Variants in CSRP1 observed in about 807,000 individuals in gnomAD.
The protein encoded by CSRP1 is cysteine and glycine rich protein 1, also known as cysteine and glycine-rich protein 1.
CSRP1 carries 16 observed loss-of-function variants against 25.4 expected under a neutral mutation model. That is an observed-to-expected ratio of 0.63 (90% CI 0.43 to 0.96). CSRP1 has a LOEUF of 0.96. CSRP1 is among the 40% of genes least tolerant of loss of function. The probability of loss-of-function intolerance (pLI) is 0.00; values close to 1 mark genes in which losing one functional copy is unlikely to be tolerated. For missense variants in CSRP1, 212 were observed against 243.6 expected (o/e 0.87, Z 0.86); for synonymous variants, 97 against 95.3 (o/e 1.02, Z -0.10).
rs563724758 is a variant in CSRP1 at position 201,486,604 on chromosome 1, C to A, written c.412-1228G>T. 11 of 996,894 alleles carry A rather than the reference C, an allele frequency of 1.1e-5. No homozygotes were observed. The East Asian group carries it at 9.9e-4, about 90-fold the overall frequency. The allele number at this position is 996,894 out of a possible 1,614,324, so 61.8% of individuals were successfully genotyped here. A position where few individuals can be genotyped will look rare whatever the true frequency, so the allele number is the denominator to read the frequency against. On this transcript the variant is annotated intron_variant, in intron 4 of 5. Transcript: ENST00000340006. ...CTCCTCTGTAAAGCAGGGGCTGCTA[C>A]CCCAAGCTCTCTAGGCTGGAGAAAA...
chr1:201,496,450 CT>C (rs1171041858), intron 1 of CSRP1, 146 bp from the exon 2 acceptor site: 121 of 681,054 alleles, frequency 1.8e-4, no homozygotes, highest in East Asian at 5.4e-4. Flanking sequence ...TGGCAGAGCA[CT>C]TTCTGCTAGC....
At chr1:201,497,806 T>C (rs562445312) in intron 1 of CSRP1, among the ~76,000 whole-genome samples, 53 of 152,170 alleles carry the variant, frequency 3.5e-4, no homozygotes, top group African/African-American at 1.3e-3. Flanking sequence ...GGTCGGGAGT[T>C]TGAGACCAGC....
rs1315524305 is a variant in CSRP1, at chr1:201,484,097, A to G, written c.*616T>C. ...TTATTCTCCTCCCAGTCCTAGTGGG[A>G]GGCTATCCATTCCACAAAGACTCAA... On this transcript the variant is annotated 3_prime_UTR_variant, in exon 6 of 6. Transcript: ENST00000340006. 3.0e-6 allele frequency: 2 copies of G among 675,844 alleles called. No individual in the cohort carries two copies. The highest frequency in any genetic ancestry group is 5.5e-6 in the Non-Finnish European group (2 of 363,716). The allele number at this position is 675,844 out of a possible 1,614,324, so 41.9% of individuals were successfully genotyped here. A position where few individuals can be genotyped will look rare whatever the true frequency, so the allele number is the denominator to read the frequency against.
At position 201,484,034 on chromosome 1, in the gene CSRP1, C is replaced by A; in HGVS notation, c.*679G>T. 2 of 697,330 alleles carry A rather than the reference C, an allele frequency of 2.9e-6. No individual in the cohort carries two copies. Among genetic ancestry groups the A allele is most frequent in the Non-Finnish European group, 5.3e-6 (2 of 380,798 alleles). 43.2% of individuals were successfully genotyped at this position (697,330 alleles called of 1,614,324 possible). A position where few individuals can be genotyped will look rare whatever the true frequency, so the allele number is the denominator to read the frequency against. On this transcript the variant is annotated 3_prime_UTR_variant, in exon 6 of 6. Transcript: ENST00000340006. ...CAGGGAACTAGATGTTTGAGAAGAT[C>A]AAACAACATCCTGACTTTGGGGTCC...
At chr1:201,494,797 C>T (rs682137) in intron 2 of CSRP1, among the ~76,000 whole-genome samples, 69,209 of 151,974 alleles carry the variant, frequency 0.46, 17,014 homozygotes, top group East Asian at 0.91. Flanking sequence ...TTGTATCACA[C>T]CATCTTGCTA....
chr1:201,488,156 C>G (rs542556222), intron 4 of CSRP1: 2 of 152,204 alleles, frequency 1.3e-5, no homozygotes, highest in African/African-American at 2.4e-5. Flanking sequence ...ACACTGCAAA[C>G]CCCAGGGGCA....
Position 201,484,149 on chromosome 1 carries a change from C to T in CSRP1, c.*564G>A, listed in dbSNP as rs911367080. The T allele has an allele frequency of 1.6e-6, 1 of 643,606 alleles. No individual in the cohort carries two copies. The highest frequency in any genetic ancestry group is 1.8e-5 in the African/African-American group (1 of 55,918). The allele number at this position is 643,606 out of a possible 1,614,324, so 39.9% of individuals were successfully genotyped here. The stretch of plus-strand genomic sequence containing the variant: ...GGCAAGAGGCCTGGAGAAGCAGGGG[C>T]TCCTAGGACCCTGCCTGCATGCCTC... On this transcript the variant is annotated 3_prime_UTR_variant, in exon 6 of 6. Coordinates refer to ENST00000340006, the MANE Select transcript of CSRP1 (RefSeq NM_004078.3).
In CSRP1 at chr1:201,496,134, G is replaced by C; in HGVS notation, c.112+58C>G. Reference sequence around the variant, plus strand: ...GGGGTGTTGACAGGCCCAGCCTGTGGGGGCAGGCCCGTCCAGGGTGTCCAA... The same window carrying C: ...GGGGTGTTGACAGGCCCAGCCTGTGCGGGCAGGCCCGTCCAGGGTGTCCAA... On this transcript the variant is annotated intron_variant, in intron 2 of 5. Transcript: ENST00000340006. The C allele has an allele frequency of 2.2e-6, 3 of 1,354,104 alleles. No homozygotes were observed. In the South Asian group the frequency reaches 3.5e-5, roughly 16 times the overall value. The allele number at this position is 1,354,104 out of a possible 1,614,324, so 83.9% of individuals were successfully genotyped here.
chr1:201,506,260 G>T (rs1484373811), intron 1 of CSRP1, among the ~76,000 whole-genome samples: 3 of 152,168 alleles, frequency 2.0e-5, no homozygotes, highest in Non-Finnish European at 4.4e-5. Flanking sequence ...CTCTCAGGGA[G>T]CAGCTGGTGG....
chr1:201,489,345 A>G (rs919517766), intron 3 of CSRP1: 1 of 177,020 alleles, frequency 5.6e-6, no homozygotes. Flanking sequence ...CACTGGGGCA[A>G]TGACCTTGGC....
chr1:201,495,976 C>T (rs1664497176), intron 2 of CSRP1: 2 of 473,420 alleles, frequency 4.2e-6, no homozygotes, highest in Middle Eastern at 5.4e-4. Context: ...GCCTGCCACC[C>T]CGACCCGCTC....
intron 1 of CSRP1, among the ~76,000 whole-genome samples, chr1:201,497,992 A>G (rs1326901915): frequency 1.3e-5 from 2 of 151,916 alleles, no homozygotes; most frequent in Non-Finnish European, 2.9e-5. Context: ...CCCGGACGAC[A>G]GAGCAAGACT....
intron 3 of CSRP1, chr1:201,489,393 C>T (rs2004565): frequency 7.4e-5 from 13 of 175,202 alleles, no homozygotes; most frequent in Non-Finnish European, 8.5e-5. Flanking sequence ...CCGTCCACCC[C>T]CCAGGCCGAG....
intron 1 of CSRP1, among the ~76,000 whole-genome samples, chr1:201,501,194 C>T (rs969750628): frequency 6.6e-6 from 1 of 152,182 alleles, no homozygotes; most frequent in Admixed American, 6.5e-5. Context: ...ACCACTCACA[C>T]GACTGGACCA....
intron 1 of CSRP1, among the ~76,000 whole-genome samples, chr1:201,505,549 T>TA (rs1664802151): frequency 6.6e-6 from 1 of 152,164 alleles, no homozygotes; most frequent in South Asian, 2.1e-4. Flanking sequence ...TCTCAGGCCT[T>TA]GCAGACAGTT....
chr1:201,490,646 G>C (rs1159636795), intron 2 of CSRP1: 6 of 287,164 alleles, frequency 2.1e-5, no homozygotes, highest in Non-Finnish European at 4.0e-5. Flanking sequence ...TGCAACACAG[G>C]GTTCAGAGGC....
intron 2 of CSRP1, among the ~76,000 whole-genome samples, chr1:201,493,774 C>T (rs1664414775): frequency 1.3e-5 from 2 of 152,214 alleles, no homozygotes; most frequent in Non-Finnish European, 1.5e-5. Context: ...GCTAGCCTCT[C>T]CCTTCCTCGG....
At chr1:201,505,386 G>A (rs1030510265) in intron 1 of CSRP1, among the ~76,000 whole-genome samples, 2 of 152,148 alleles carry the variant, frequency 1.3e-5, no homozygotes, top group Admixed American at 1.3e-4. Context: ...CAAACACCTG[G>A]GCCAGGAAGG....
At chr1:201,496,135 G>A (rs1664505255) in intron 2 of CSRP1, 57 bp downstream of exon 2, 3 of 1,366,808 alleles carry the variant, frequency 2.2e-6, no homozygotes, top group Admixed American at 1.7e-5. Flanking sequence ...CAGCCTGTGG[G>A]GGCAGGCCCG....
Sources: gnomAD v4.1 joint callset for allele counts (sites outside exome capture counted in the v4.1 genomes callset) on GRCh38, gnomAD v4.1.1 for gene constraint, MANE v1.5 for transcripts, NCBI Gene and HGNC (gene_info 2026-07-23, HGNC 2026-07-21) for gene names.